Variants in GARIN1B observed in about 807,000 individuals in gnomAD.
GARIN1B encodes golgi associated RAB2 interactor 1B, also known as Golgi-associated RAB2 interactor protein 1B.
the GARIN1B span, among the ~76,000 whole-genome samples, chr7:128,727,144 A>G: frequency 6.6e-6 from 1 of 152,158 alleles, no homozygotes. Context: ...TCTCATCTCA[A>G]GCCTGTAGCA....
chr7:128,710,947 T>C, the GARIN1B span, among the ~76,000 whole-genome samples: 2 of 152,134 alleles, frequency 1.3e-5, no homozygotes, highest in Middle Eastern at 3.2e-3. Context: ...CGTGAGCCAC[T>C]GCGCCTGGCC....
At chr7:128,718,447 A>AAAG in the GARIN1B span, among the ~76,000 whole-genome samples, 109 of 151,350 alleles carry the variant, frequency 7.2e-4, 3 homozygotes, top group African/African-American at 2.7e-4. Context: ...AAAAAAAAAA[A>AAAG]AAAGAAAGAA....
chr7:128,710,006 C>T, the GARIN1B span, among the ~76,000 whole-genome samples: 1 of 152,036 alleles, frequency 6.6e-6, no homozygotes, highest in African/African-American at 2.4e-5. Flanking sequence ...CCGCCTCCAT[C>T]TCCTGGGTTC....
the GARIN1B span, chr7:128,730,167 A>G: frequency 7.2e-7 from 1 of 1,382,812 alleles, no homozygotes; most frequent in East Asian, 2.3e-5. Flanking sequence ...TGATTCCAGA[A>G]AGTTGTGGGG....
At chr7:128,713,913 C>T in the GARIN1B span, 1 of 1,339,026 alleles carries the variant, frequency 7.5e-7, no homozygotes, top group Non-Finnish European at 1.0e-6. Flanking sequence ...GCTGTGTGTT[C>T]CCTTTCTAGG....
the GARIN1B span, among the ~76,000 whole-genome samples, chr7:128,717,989 C>T: frequency 6.6e-6 from 1 of 152,064 alleles, no homozygotes; most frequent in Non-Finnish European, 1.5e-5. Context: ...CTTGGTGTAC[C>T]TCTAGCAAGT....
chr7:128,713,028 G>A, the GARIN1B span, among the ~76,000 whole-genome samples: 390 of 152,240 alleles, frequency 2.6e-3, no homozygotes, highest in African/African-American at 8.9e-3. Flanking sequence ...AGAATGGGCC[G>A]GGCATGGTGG....
At chr7:128,731,142 T>C in the GARIN1B span, 6 of 1,602,340 alleles carry the variant, frequency 3.7e-6, no homozygotes, top group Non-Finnish European at 5.1e-6. Flanking sequence ...GGAGAATCTA[T>C]GCAAGCCTCG....
At chr7:128,730,730 TC>T in the GARIN1B span, among the ~76,000 whole-genome samples, 1 of 152,038 alleles carries the variant, frequency 6.6e-6, no homozygotes, top group African/African-American at 2.4e-5. Context: ...CACTGCAACC[TC>T]CGCCTCCCAG....
chr7:128,727,064 T>C, the GARIN1B span, among the ~76,000 whole-genome samples: 1 of 152,242 alleles, frequency 6.6e-6, no homozygotes, highest in African/African-American at 2.4e-5. Context: ...AACCAATTTC[T>C]TTCTTTGCAA....
chr7:128,719,697 C>CTTTTTTTTTTTTTTTTTTTTTTGT, the GARIN1B span, among the ~76,000 whole-genome samples: 1 of 99,022 alleles, frequency 1.0e-5, no homozygotes, highest in Non-Finnish European at 1.9e-5. Context: ...TTTTGTTTTG[C>CTTTTTTTTTTTTTTTTTTTTTTGT]TTTTTTTTTT....
chr7:128,727,855 T>C, the GARIN1B span, among the ~76,000 whole-genome samples: 1 of 152,180 alleles, frequency 6.6e-6, no homozygotes, highest in African/African-American at 2.4e-5. Flanking sequence ...AACCTCTCTT[T>C]CATTATTCCC....
At chr7:128,723,305 C>T in the GARIN1B span, 1 of 1,612,394 alleles carries the variant, frequency 6.2e-7, no homozygotes, top group East Asian at 2.2e-5. Flanking sequence ...CTTACACCAG[C>T]AGAACCAGTT....
At chr7:128,719,020 T>C in the GARIN1B span, 4 of 1,613,998 alleles carry the variant, frequency 2.5e-6, no homozygotes, top group African/African-American at 5.3e-5. Flanking sequence ...CCAAAGACCC[T>C]AGGATTCTTG....
At chr7:128,731,101 A>T in the GARIN1B span, 5 of 1,612,030 alleles carry the variant, frequency 3.1e-6, no homozygotes, top group African/African-American at 6.7e-5. Context: ...CACTCACAGG[A>T]AATTCTATTT....
the GARIN1B span, chr7:128,726,951 C>A: frequency 8.1e-7 from 1 of 1,237,970 alleles, no homozygotes; most frequent in Non-Finnish European, 1.2e-6. Context: ...CAGCCCCCAT[C>A]CTGGTTGTCC....
At chr7:128,722,245 G>A in the GARIN1B span, among the ~76,000 whole-genome samples, 1 of 152,162 alleles carries the variant, frequency 6.6e-6, no homozygotes, top group African/African-American at 2.4e-5. Context: ...TTTTGCCCCA[G>A]AACATGATGA....
chr7:128,716,580 C>T, the GARIN1B span, among the ~76,000 whole-genome samples: 25 of 152,116 alleles, frequency 1.6e-4, no homozygotes, highest in Non-Finnish European at 2.8e-4. Flanking sequence ...GAACATTTGA[C>T]GATGTCTGGA....
chr7:128,712,862 T>A, the GARIN1B span, among the ~76,000 whole-genome samples: 95 of 152,338 alleles, frequency 6.2e-4, 2 homozygotes, highest in South Asian at 0.019. Context: ...CCTATTTTCT[T>A]CACTGCTTAA....
Sources: allele counts gnomAD v4.1 joint callset (sites outside exome capture counted in the v4.1 genomes callset), GRCh38; gene constraint gnomAD v4.1.1; transcripts MANE v1.5; gene names NCBI Gene and HGNC (gene_info 2026-07-23, HGNC 2026-07-21).